Variants in HS3ST4 observed in about 807,000 individuals in gnomAD.
HS3ST4 encodes heparan sulfate-glucosamine 3-sulfotransferase 4.
In HS3ST4, 17 loss-of-function variants were observed where a neutral mutation model predicts 29.2. The observed-to-expected ratio is 0.58, with a 90% CI of 0.40 to 0.87. HS3ST4 has a LOEUF of 0.87. Ranked by LOEUF, HS3ST4 falls within the 40% of genes least tolerant of loss-of-function variation. HS3ST4 has a pLI of 0.00. For missense variants in HS3ST4, 627 were observed against 634.5 expected (o/e 0.99, Z 0.13); for synonymous variants, 314 against 285.7 (o/e 1.10, Z -1.00).
chr16:25,833,052 A>G (rs1215980149), intron 1 of HS3ST4, among the ~76,000 whole-genome samples: 1 of 152,124 alleles, frequency 6.6e-6, no homozygotes, highest in African/African-American at 2.4e-5. Flanking sequence ...ATTAAATTTC[A>G]TGTTTATTTT....
chr16:25,981,188 T>C (rs970793564), intron 1 of HS3ST4, among the ~76,000 whole-genome samples: 1 of 152,042 alleles, frequency 6.6e-6, no homozygotes, highest in Non-Finnish European at 1.5e-5. Context: ...TGAAACCCCA[T>C]CTCTACAAAA....
intron 1 of HS3ST4, among the ~76,000 whole-genome samples, chr16:26,113,581 A>T (rs926756920): frequency 3.3e-5 from 5 of 151,300 alleles, no homozygotes; most frequent in African/African-American, 1.2e-4. Flanking sequence ...TCCAGTTTCC[A>T]GCTCTCAGCC....
At chr16:25,892,944 A>T (rs145914537) in intron 1 of HS3ST4, among the ~76,000 whole-genome samples, 1 of 152,334 alleles carries the variant, frequency 6.6e-6, no homozygotes, top group African/African-American at 2.4e-5. Context: ...ATGAAAGCAG[A>T]TGTATAATTT....
chr16:26,126,427 C>G (rs1899344030), intron 1 of HS3ST4, among the ~76,000 whole-genome samples: 2 of 152,176 alleles, frequency 1.3e-5, no homozygotes, highest in Non-Finnish European at 2.9e-5. Context: ...AAAGACAGTA[C>G]ACACATGAAC....
At chr16:25,783,409 AGTT>A (rs1343165495) in intron 1 of HS3ST4, among the ~76,000 whole-genome samples, 1 of 151,722 alleles carries the variant, frequency 6.6e-6, no homozygotes, top group Non-Finnish European at 1.5e-5. Flanking sequence ...CATTGATGTC[AGTT>A]GTCATTGAAA....
Position 26,025,155 on chromosome 16 carries a change from A to G in HS3ST4, c.735-110457A>G, listed in dbSNP as rs972876624. 2.6e-5 allele frequency: 4 copies of G among 152,776 alleles called. No individual in the cohort carries two copies. In the East Asian group the frequency reaches 7.7e-4, roughly 29 times the overall value. The allele number at this position is 152,776 out of a possible 1,614,324, so 9.5% of individuals were successfully genotyped here. A position where few individuals can be genotyped will look rare whatever the true frequency, so the allele number is the denominator to read the frequency against. On this transcript the variant is annotated intron_variant, in intron 1 of 1. Transcript: ENST00000331351. ...AGATACCTCTAATGTATGAGAAGCC[A>G]TGCCACTTTTTAATAAAAGGACAAA...
At chr16:26,102,894 C>A (rs958105909) in intron 1 of HS3ST4, among the ~76,000 whole-genome samples, 4 of 152,174 alleles carry the variant, frequency 2.6e-5, no homozygotes, top group African/African-American at 9.7e-5. Flanking sequence ...GATTCAAGAG[C>A]CCAAGCTGGT....
At chr16:25,816,189 G>A (rs775902621) in intron 1 of HS3ST4, among the ~76,000 whole-genome samples, 10 of 152,106 alleles carry the variant, frequency 6.6e-5, no homozygotes, top group Non-Finnish European at 7.4e-5. Context: ...GCAGGGCATG[G>A]TGCCTTCCTA....
At chr16:25,857,916 C>CTT (rs1567257069) in intron 1 of HS3ST4, among the ~76,000 whole-genome samples, 1 of 60,574 alleles carries the variant, frequency 1.7e-5, no homozygotes, top group African/African-American at 7.1e-5. Context: ...TCCTTCCTTC[C>CTT]TTCCTTTCTT....
rs1898286906 is a variant in HS3ST4, at chr16:26,047,676, TACTC to T, written c.735-87932_735-87929del. On this transcript the variant is annotated intron_variant, in intron 1 of 1. Coordinates refer to ENST00000331351, the MANE Select transcript of HS3ST4 (RefSeq NM_006040.3). ...TCCAAAGCCCTGTTTTCTCAGCTAT[TACTC>T]ACTTCCTTCAGTTTCCAGTCAGTTC... Among the ~76,000 whole-genome samples, 2 of 152,246 alleles carry T rather than the reference TACTC, an allele frequency of 1.3e-5. 1 individual carries two copies. The highest frequency in any genetic ancestry group is 4.8e-5 in the African/African-American group (2 of 41,462).
intron 1 of HS3ST4, among the ~76,000 whole-genome samples, chr16:25,874,648 C>T (rs944546198): frequency 6.6e-5 from 10 of 152,152 alleles, no homozygotes; most frequent in South Asian, 4.1e-4. Context: ...TTCATCCATC[C>T]GTCTATCCTT....
intron 1 of HS3ST4, among the ~76,000 whole-genome samples, chr16:25,829,273 C>A (rs1967269929): frequency 1.3e-5 from 2 of 152,216 alleles, no homozygotes; most frequent in African/African-American, 4.8e-5. Context: ...ATCCTTTGGG[C>A]AGCTTGCTGC....
intron 1 of HS3ST4, among the ~76,000 whole-genome samples, chr16:25,889,409 G>T (rs1967986017): frequency 6.6e-6 from 1 of 152,130 alleles, no homozygotes; most frequent in Non-Finnish European, 1.5e-5. Context: ...TGAAATTTAG[G>T]AATTAGTGTC....
rs929348615 is a variant in HS3ST4 at position 25,698,866 on chromosome 16, G to C, written c.734+5715G>C. Among the ~76,000 whole-genome samples the C allele has an allele frequency of 1.6e-4, 24 of 152,314 alleles. 1 individual carries two copies. In the South Asian group the frequency reaches 2.7e-3, roughly 17 times the overall value. ...TCAGACAGGTCGTATAAATGAGCGAGGTAGACTAGGTGGAGAGAAGCTAAA... is the reference window on the plus strand; with the variant it reads ...TCAGACAGGTCGTATAAATGAGCGACGTAGACTAGGTGGAGAGAAGCTAAA... On this transcript the variant is annotated intron_variant, in intron 1 of 1. Transcript: ENST00000331351.
At chr16:26,127,340 C>T (rs746852955) in intron 1 of HS3ST4, among the ~76,000 whole-genome samples, 2 of 152,178 alleles carry the variant, frequency 1.3e-5, no homozygotes, top group Non-Finnish European at 2.9e-5. Flanking sequence ...GAGTCAGTCA[C>T]GATGGCTCAC....
At chr16:25,929,940 G>C (rs4392075) in intron 1 of HS3ST4, among the ~76,000 whole-genome samples, 72,228 of 151,946 alleles carry the variant, frequency 0.48, 20,781 homozygotes, top group African/African-American at 0.78. Flanking sequence ...TTTTCCTGAT[G>C]CTCTCCCTCC....
intron 1 of HS3ST4, among the ~76,000 whole-genome samples, chr16:26,001,712 T>C (rs1969213153): frequency 6.6e-6 from 1 of 152,146 alleles, no homozygotes; most frequent in Admixed American, 6.6e-5. Flanking sequence ...TAAAGGAAAG[T>C]TGAGAAAGGG....
chr16:25,862,189 A>G (rs1403197730), intron 1 of HS3ST4, among the ~76,000 whole-genome samples: 2 of 149,262 alleles, frequency 1.3e-5, no homozygotes, highest in Non-Finnish European at 3.0e-5. Context: ...TTATTTATTT[A>G]TTTATTTATT....
intron 1 of HS3ST4, among the ~76,000 whole-genome samples, chr16:26,098,564 TCACA>T (rs1898955439): frequency 6.6e-6 from 1 of 151,918 alleles, no homozygotes; most frequent in Non-Finnish European, 1.5e-5. Flanking sequence ...GCAGGGAACA[TCACA>T]CACCAGGGCC....
Sources: allele counts gnomAD v4.1 joint callset (sites outside exome capture counted in the v4.1 genomes callset), GRCh38; gene constraint gnomAD v4.1.1; transcripts MANE v1.5; gene names NCBI Gene and HGNC (gene_info 2026-07-23, HGNC 2026-07-21).